The following PRTFDC1 variants were observed in gnomAD, a reference collection of about 807,000 sequenced individuals.
The protein encoded by PRTFDC1 is phosphoribosyl transferase domain containing 1, also known as phosphoribosyltransferase domain-containing protein 1.
PRTFDC1 carries 38 observed loss-of-function variants against 34.6 expected under a neutral mutation model. That is an observed-to-expected ratio of 1.10 (90% CI 0.85 to 1.44). PRTFDC1 has a LOEUF of 1.44. PRTFDC1 is among the 40% of genes most tolerant of loss of function. The pLI is 0.00. For missense variants in PRTFDC1, 270 were observed against 283.0 expected, an observed-to-expected ratio of 0.95 and a Z score of 0.33; for synonymous variants, 93 against 98.1, an observed-to-expected ratio of 0.95 and a Z score of 0.31.
intron 3 of PRTFDC1, among the ~76,000 whole-genome samples, chr10:24,911,733 G>A (rs1047241176): frequency 6.6e-6 from 1 of 151,968 alleles, no homozygotes; most frequent in Non-Finnish European, 1.5e-5. Context: ...CGGGTATGGT[G>A]GCACATGCTT....
At chr10:24,900,050 T>C (rs1848425045) in intron 3 of PRTFDC1, among the ~76,000 whole-genome samples, 1 of 152,164 alleles carries the variant, frequency 6.6e-6, no homozygotes, top group African/African-American at 2.4e-5. Flanking sequence ...TGGTGACAGT[T>C]TAAAAATCAA....
chr10:24,849,952 G>T, intron 8 of PRTFDC1, 61 bp from the exon 9 acceptor site: 2 of 1,514,160 alleles, frequency 1.3e-6, no homozygotes, highest in South Asian at 1.1e-5. Flanking sequence ...CACAGAAAAG[G>T]TGATGCAGTA....
intron 3 of PRTFDC1, among the ~76,000 whole-genome samples, chr10:24,899,262 A>T (rs77622584): frequency 0.12 from 17,696 of 152,134 alleles, 1,254 homozygotes; most frequent in East Asian, 0.29. Context: ...CTCCCACAAC[A>T]TCAGTTGATA....
At chr10:24,892,729 G>A (rs1388879233) in intron 3 of PRTFDC1, among the ~76,000 whole-genome samples, 1 of 152,026 alleles carries the variant, frequency 6.6e-6, no homozygotes, top group African/African-American at 2.4e-5. Context: ...CAAGCAGAAA[G>A]AGACTGGGGT....
chr10:24,920,205 A>G (rs1430043240), intron 3 of PRTFDC1, among the ~76,000 whole-genome samples: 1 of 152,164 alleles, frequency 6.6e-6, no homozygotes, highest in Non-Finnish European at 1.5e-5. Flanking sequence ...TATTCACAAT[A>G]GCAAAGACAT....
intron 3 of PRTFDC1, among the ~76,000 whole-genome samples, chr10:24,930,177 C>G (rs1457414716): frequency 6.6e-6 from 1 of 152,036 alleles, no homozygotes; most frequent in Non-Finnish European, 1.5e-5. Context: ...TAGTATGAAG[C>G]CTGAAGCTCA....
chr10:24,867,804 T>TTTC (rs1847808148), intron 4 of PRTFDC1: 1 of 87,272 alleles, frequency 1.1e-5, no homozygotes, highest in Non-Finnish European at 2.2e-5. Flanking sequence ...GTAGGTTTAA[T>TTTC]TTTTTTTTTT....
At position 24,937,205 on chromosome 10, in the gene PRTFDC1, G is replaced by A. The variant is rs748462698; in HGVS notation, c.318C>T (p.Phe106=). ...TTACCCTGTAACTTTTTAGTCTGAT[G>A]AAATCAACCTTCATTGAGACAAATC... ...SDRFVSMKVD[F]IRLKSYRNDQ... The change falls in exon 3 of 9, where the codon TTC becomes TTT. Residue 106 remains phenylalanine (F), a synonymous_variant. Coordinates refer to ENST00000320152, the MANE Select transcript of PRTFDC1 (RefSeq NM_020200.7). The A allele has an allele frequency of 4.3e-6, 7 of 1,612,932 alleles. No individual in the cohort carries two copies. The Admixed American group carries it at 1.2e-4, about 27-fold the overall frequency.
chr10:24,910,894 T>A (rs1197495568), intron 3 of PRTFDC1, among the ~76,000 whole-genome samples: 1 of 144,332 alleles, frequency 6.9e-6, no homozygotes, highest in Non-Finnish European at 1.5e-5. Flanking sequence ...GTTAGGTAAT[T>A]TTTTTTTTTT....
At chr10:24,850,639 T>C (rs919567279) in intron 8 of PRTFDC1, among the ~76,000 whole-genome samples, 9 of 151,906 alleles carry the variant, frequency 5.9e-5, no homozygotes, top group Non-Finnish European at 1.3e-4. Context: ...CCTGTGTCTT[T>C]AAAGAGGGGG....
chr10:24,886,775 C>G (rs1290925570), intron 3 of PRTFDC1, among the ~76,000 whole-genome samples: 1 of 152,008 alleles, frequency 6.6e-6, no homozygotes, highest in East Asian at 1.9e-4. Flanking sequence ...CCATGCCCAG[C>G]TAATTTTTTA....
intron 2 of PRTFDC1, among the ~76,000 whole-genome samples, chr10:24,939,374 G>T (rs947369382): frequency 6.7e-6 from 1 of 148,990 alleles, no homozygotes; most frequent in African/African-American, 2.5e-5. Context: ...GCAATGAATA[G>T]AAAATAGTTA....
intron 3 of PRTFDC1, chr10:24,908,192 C>T (rs981836626): frequency 4.9e-5 from 14 of 284,366 alleles, no homozygotes; most frequent in Admixed American, 1.3e-4. Context: ...ATCATACTCT[C>T]GTATCCCCAC....
chr10:24,940,842 G>A (rs1305888672), intron 2 of PRTFDC1, among the ~76,000 whole-genome samples: 1 of 152,148 alleles, frequency 6.6e-6, no homozygotes, highest in Admixed American at 6.5e-5. Flanking sequence ...TACGCAAAAT[G>A]GCCAGAAAAG....
chr10:24,951,633 C>G (rs1849346962), intron 1 of PRTFDC1: 1 of 983,874 alleles, frequency 1.0e-6, no homozygotes, highest in Non-Finnish European at 1.2e-6. Flanking sequence ...AAGTTAGCCC[C>G]ACCCACCATC....
In PRTFDC1 at chr10:24,851,403, G is replaced by A. The variant is rs1588568433; in HGVS notation, c.615C>T (p.Tyr205=). The part of the protein sequence containing the change: ...VVGYALDYNE[Y]FRDLNHICVI... ...CAAGACTTACATTCAGATCTCTGAA[G>A]TATTCATTGTAATCTAAGGCATATC... The change falls in exon 8 of 9, where the codon TAC becomes TAT. Residue 205 remains tyrosine (Y), a synonymous_variant. Coordinates refer to ENST00000320152, the MANE Select transcript of PRTFDC1 (RefSeq NM_020200.7). 6.2e-7 allele frequency: 1 copy of A among 1,611,304 alleles called. No individual in the cohort carries two copies. The highest frequency in any genetic ancestry group is 1.3e-5 in the African/African-American group (1 of 74,774).
chr10:24,948,813 C>G (rs919070342), intron 1 of PRTFDC1, among the ~76,000 whole-genome samples: 1 of 152,166 alleles, frequency 6.6e-6, no homozygotes, highest in African/African-American at 2.4e-5. Flanking sequence ...ATTCTTAACT[C>G]AAATCACATC....
intron 3 of PRTFDC1, among the ~76,000 whole-genome samples, chr10:24,901,606 G>C (rs1848450985): frequency 1.3e-5 from 2 of 152,132 alleles, no homozygotes; most frequent in Admixed American, 6.5e-5. Flanking sequence ...GTACATGTCT[G>C]TAGTCCCAGC....
At chr10:24,856,838 A>G in intron 6 of PRTFDC1, 75 bp downstream of exon 6, 2 of 1,295,766 alleles carry the variant, frequency 1.5e-6, no homozygotes, top group African/African-American at 1.5e-5. Flanking sequence ...CTTTGGAAAG[A>G]GCATCCTGTG....
Sources: gnomAD v4.1 joint callset for allele counts (sites outside exome capture counted in the v4.1 genomes callset) on GRCh38, gnomAD v4.1.1 for gene constraint, MANE v1.5 for transcripts, NCBI Gene and HGNC (gene_info 2026-07-23, HGNC 2026-07-21) for gene names.